PCDHGA1: variants seen among roughly 807,000 people sequenced by gnomAD.
PCDHGA1 encodes the protein protocadherin gamma-A1.
PCDHGA1 carries 32 observed loss-of-function variants against 58.0 expected under a neutral mutation model. The observed-to-expected ratio is 0.55, with a 90% confidence interval of 0.42 to 0.74. The LOEUF is 0.74. Among genes scored for constraint, PCDHGA1 ranks in the 30% least tolerant of loss-of-function variants. The pLI is 0.00. For synonymous variants in PCDHGA1, 498 were observed against 501.1 expected (o/e 0.99, Z 0.08); for missense variants, 1,205 against 1,182.3 (o/e 1.02, Z -0.28).
intron 1 of PCDHGA1, chr5:141,382,944 G>T (rs375823415): frequency 7.9e-5 from 126 of 1,596,768 alleles, no homozygotes; most frequent in Non-Finnish European, 1.0e-4. Flanking sequence ...GATTCTTCCT[G>T]CTCTCCATCC....
At chr5:141,482,801 G>C (rs1230060558) in intron 1 of PCDHGA1, among the ~76,000 whole-genome samples, 1 of 152,176 alleles carries the variant, frequency 6.6e-6, no homozygotes, top group African/African-American at 2.4e-5. Flanking sequence ...GCCGGGTACG[G>C]TGGCTCATGC....
At chr5:141,404,396 A>C (rs2094523935) in intron 1 of PCDHGA1, 2 of 1,613,816 alleles carry the variant, frequency 1.2e-6, no homozygotes, top group Non-Finnish European at 1.7e-6. Context: ...CCCTGATAGC[A>C]ATGAGAATTC....
intron 1 of PCDHGA1, among the ~76,000 whole-genome samples, chr5:141,458,921 C>CG (rs2098956905): frequency 6.6e-6 from 1 of 151,960 alleles, no homozygotes; most frequent in African/African-American, 2.4e-5. Flanking sequence ...TTTGTGGAGA[C>CG]GGGGTCTCAC....
At chr5:141,360,955 A>G in intron 1 of PCDHGA1, 1 of 1,613,952 alleles carries the variant, frequency 6.2e-7, no homozygotes, top group Non-Finnish European at 8.5e-7. Context: ...TGAAGGCATA[A>G]ACGCAGAGAT....
In PCDHGA1 at chr5:141,375,320, G is replaced by A. The variant is rs1338614455; in HGVS notation, c.2421+42215G>A. On this transcript the variant is annotated intron_variant, in intron 1 of 3. Coordinates refer to ENST00000517417, the MANE Select transcript of PCDHGA1 (RefSeq NM_018912.3). ...AGTGACAAATGCAGCTCTAGACCGG[G>A]AAGAGGTATTCTTGTACAACATCAC... is the stretch of plus-strand genomic sequence containing the variant. The A allele has an allele frequency of 6.2e-7, 1 of 1,613,688 alleles. No homozygotes were observed. The highest frequency in any genetic ancestry group is 2.2e-5 in the East Asian group (1 of 44,890).
chr5:141,371,780 T>C, intron 1 of PCDHGA1: 6 of 1,613,990 alleles, frequency 3.7e-6, no homozygotes, highest in Non-Finnish European at 5.1e-6. Context: ...TGCATGTAGC[T>C]GAGAACAATC....
chr5:141,504,161 T>C (rs931754061), intron 2 of PCDHGA1, among the ~76,000 whole-genome samples: 1 of 152,196 alleles, frequency 6.6e-6, no homozygotes, highest in Non-Finnish European at 1.5e-5. Context: ...AATAATTTCA[T>C]CCTTGGAAAT....
rs774113255 is a variant in PCDHGA1 at position 141,405,285 on chromosome 5, C to T, written c.2421+72180C>T. 3.7e-6 allele frequency: 6 copies of T among 1,614,080 alleles called. No individual in the cohort carries two copies. The Admixed American group carries it at 1.0e-4, about 27-fold the overall frequency. On this transcript the variant is annotated intron_variant, in intron 1 of 3. Coordinates refer to ENST00000517417, the MANE Select transcript of PCDHGA1 (RefSeq NM_018912.3). ...TTCCCCCAGCCCAACTATGCAGACACACTCATCAGCCAGCAGAGCTGTGAG... is the reference window on the plus strand; with the variant it reads ...TTCCCCCAGCCCAACTATGCAGACATACTCATCAGCCAGCAGAGCTGTGAG...
chr5:141,420,036 G>C, intron 1 of PCDHGA1: 1 of 1,614,078 alleles, frequency 6.2e-7, no homozygotes. Context: ...GCAGGAGACT[G>C]CTTTGAGTCA....
At position 141,418,763 on chromosome 5, in the gene PCDHGA1, C is replaced by G. The variant is rs914122527; in HGVS notation, c.2422-76044C>G. The stretch of plus-strand genomic sequence containing the variant: ...TCTGGATTACACTACAGGAAACATT[C>G]TAACTCAGCAGCCTTTGGATTTTGA... On this transcript the variant is annotated intron_variant, in intron 1 of 3. Coordinates refer to ENST00000517417, the MANE Select transcript of PCDHGA1 (RefSeq NM_018912.3). 5 of 1,613,728 alleles carry G rather than the reference C, an allele frequency of 3.1e-6. No homozygotes were observed. The Admixed American group carries it at 5.0e-5, about 16-fold the overall frequency.
rs781173070 is a variant in PCDHGA1, at chr5:141,374,478, G to T, written c.2421+41373G>T. 3.1e-6 allele frequency: 5 copies of T among 1,611,820 alleles called. No homozygotes were observed. In the Admixed American group the frequency reaches 5.0e-5, roughly 16 times the overall value. The stretch of plus-strand genomic sequence containing the variant: ...GTGGACATTAATGACAATACACCCC[G>T]ATTCTTAAAGGAAGAATTGGAAGTG... On this transcript the variant is annotated intron_variant, in intron 1 of 3. Coordinates refer to ENST00000517417, the MANE Select transcript of PCDHGA1 (RefSeq NM_018912.3).
intron 1 of PCDHGA1, chr5:141,427,949 C>T (rs2097092193): frequency 1.3e-6 from 2 of 1,586,882 alleles, no homozygotes; most frequent in South Asian, 1.1e-5. Context: ...ACCTCAATGA[C>T]AATGTGCCGC....
chr5:141,394,514 C>T, intron 1 of PCDHGA1: 1 of 1,614,230 alleles, frequency 6.2e-7, no homozygotes. Flanking sequence ...ACCCCGCCCT[C>T]CCCACAGACG....
At chr5:141,368,825 CTT>C (rs999838491) in intron 1 of PCDHGA1, among the ~76,000 whole-genome samples, 2 of 152,086 alleles carry the variant, frequency 1.3e-5, no homozygotes, top group African/African-American at 4.8e-5. Context: ...ACAATGAACA[CTT>C]GGCATTGTGT....
At chr5:141,384,676 G>A in intron 1 of PCDHGA1, 4 of 1,614,214 alleles carry the variant, frequency 2.5e-6, no homozygotes, top group Non-Finnish European at 3.4e-6. Flanking sequence ...CAAGGTGGTG[G>A]CGGTGGACAA....
Position 141,405,152 on chromosome 5 carries a change from G to T in PCDHGA1, c.2421+72047G>T, listed in dbSNP as rs550773622. Reference sequence around the variant, plus strand: ...GCGGGCTACCAGTGATGGGTTGGCTGGTGTGCCCACCTCACACTTTGTGGG... The same window carrying T: ...GCGGGCTACCAGTGATGGGTTGGCTTGTGTGCCCACCTCACACTTTGTGGG... On this transcript the variant is annotated intron_variant, in intron 1 of 3. Transcript: ENST00000517417. 180 of 1,613,896 alleles carry T rather than the reference G, an allele frequency of 1.1e-4. 1 individual carries two copies. In the South Asian group the frequency reaches 1.9e-3, roughly 17 times the overall value.
intron 1 of PCDHGA1, chr5:141,478,776 A>G (rs961079570): frequency 1.3e-6 from 2 of 1,488,690 alleles, no homozygotes; most frequent in East Asian, 2.5e-5. Flanking sequence ...TCATCTGTGG[A>G]CCTAATTCAC....
intron 1 of PCDHGA1, chr5:141,404,933 A>C (rs2094586796): frequency 6.2e-7 from 1 of 1,613,764 alleles, no homozygotes; most frequent in Non-Finnish European, 8.5e-7. Flanking sequence ...TGTCACGCTC[A>C]CAGTAGCCAT....
At chr5:141,357,213 C>T in intron 1 of PCDHGA1, 3 of 1,613,884 alleles carry the variant, frequency 1.9e-6, no homozygotes, top group Non-Finnish European at 2.5e-6. Flanking sequence ...TCCCAGATGT[C>T]CTGGCTGACT....
Sources: gnomAD v4.1 joint callset for allele counts (sites outside exome capture counted in the v4.1 genomes callset) on GRCh38, gnomAD v4.1.1 for gene constraint, MANE v1.5 for transcripts, NCBI Gene and HGNC (gene_info 2026-07-23, HGNC 2026-07-21) for gene names.